Variants in EXOC2 observed in about 807,000 individuals in gnomAD.
EXOC2 encodes the protein exocyst complex component 2.
Under a neutral mutation model 131.8 loss-of-function variants are expected in EXOC2, and 70 were observed. The observed-to-expected ratio is 0.53, with a 90% CI of 0.44 to 0.65. The LOEUF is 0.65. EXOC2 is among the 30% of genes least tolerant of loss of function. The pLI, the probability that EXOC2 is intolerant of heterozygous loss-of-function variation, is 0.00. For synonymous variants in EXOC2, 411 were observed against 398.4 expected (o/e 1.03, Z -0.38); for missense variants, 923 against 1,108.6 (o/e 0.83, Z 2.38).
chr6:610,329 C>T (rs969332590), intron 6 of EXOC2, 151 bp from the exon 7 acceptor site: 2 of 590,844 alleles, frequency 3.4e-6, no homozygotes, highest in African/African-American at 1.9e-5. Flanking sequence ...ACAAGGTACC[C>T]AGCAGACACC....
rs1284715980 is a variant in EXOC2, at chr6:690,213, G to A, written c.-44+2806C>T. On this transcript the variant is annotated intron_variant, in intron 1 of 27. Transcript: ENST00000230449. ...CCACAAATAATTTTTAAAATGAGCCGAACCCGGTGGCACGCACCTATAGTC... is the reference window on the plus strand; with the variant it reads ...CCACAAATAATTTTTAAAATGAGCCAAACCCGGTGGCACGCACCTATAGTC... Among the ~76,000 whole-genome samples the A allele has an allele frequency of 3.3e-5, 5 of 152,216 alleles. No individual in the cohort carries two copies. The East Asian group carries it at 7.7e-4, about 24-fold the overall frequency.
chr6:567,079 A>C (rs567103652), intron 13 of EXOC2, among the ~76,000 whole-genome samples: 3 of 152,304 alleles, frequency 2.0e-5, no homozygotes, highest in Non-Finnish European at 4.4e-5. Flanking sequence ...GAGGACCTCC[A>C]TGGTTTCCCC....
At chr6:504,443 AC>A (rs1399336105) in intron 23 of EXOC2, among the ~76,000 whole-genome samples, 1 of 152,088 alleles carries the variant, frequency 6.6e-6, no homozygotes, top group African/African-American at 2.4e-5. Context: ...TGGTGACAGA[AC>A]CTTTTTCAAA....
rs751532044 is a variant in EXOC2 at position 486,342 on chromosome 6, A to G, written c.*329T>C. On this transcript the variant is annotated 3_prime_UTR_variant, in exon 28 of 28. Coordinates refer to ENST00000230449, the MANE Select transcript of EXOC2 (RefSeq NM_018303.6). ...ACGGGACACTGAGAAATGCTTCAAT[A>G]TGTGCCACGCCATTCCAGAAAACTC... 1.9e-4 allele frequency: 42 copies of G among 226,900 alleles called. No homozygotes were observed. The highest frequency in any genetic ancestry group is 1.6e-3 in the Middle Eastern group (1 of 620). The allele number at this position is 226,900 out of a possible 1,614,324, so 14.1% of individuals were successfully genotyped here.
intron 6 of EXOC2, among the ~76,000 whole-genome samples, chr6:611,865 G>A (rs761611449): frequency 2.0e-5 from 3 of 152,100 alleles, no homozygotes; most frequent in Non-Finnish European, 4.4e-5. Flanking sequence ...ATGTACAACA[G>A]TACTTCTCAA....
At chr6:590,113 TGGA>T (rs1346709178) in intron 11 of EXOC2, among the ~76,000 whole-genome samples, 4 of 65,808 alleles carry the variant, frequency 6.1e-5, no homozygotes, top group African/African-American at 1.4e-4. Context: ...AGACTCTGTC[TGGA>T]AAAAAAAAAA....
At chr6:616,617 A>G (rs905348264) in intron 6 of EXOC2, among the ~76,000 whole-genome samples, 1 of 151,070 alleles carries the variant, frequency 6.6e-6, no homozygotes, top group African/African-American at 2.4e-5. Flanking sequence ...AAAAAAAAAA[A>G]AAAAAACTAA....
intron 24 of EXOC2, among the ~76,000 whole-genome samples, chr6:498,288 A>G (rs1363783450): frequency 6.6e-6 from 1 of 152,174 alleles, no homozygotes; most frequent in Non-Finnish European, 1.5e-5. Flanking sequence ...GGCAATTGAT[A>G]ATAGACATTA....
chr6:546,421 A>G (rs1396511535), intron 22 of EXOC2, among the ~76,000 whole-genome samples: 1 of 152,228 alleles, frequency 6.6e-6, no homozygotes, highest in Non-Finnish European at 1.5e-5. Context: ...TTATCATTCA[A>G]TGTGGTTTCA....
intron 3 of EXOC2, among the ~76,000 whole-genome samples, chr6:632,242 C>T (rs1227005396): frequency 2.0e-5 from 3 of 152,176 alleles, no homozygotes; most frequent in Non-Finnish European, 4.4e-5. Context: ...ATGAGGTAGC[C>T]AATATATTCC....
chr6:591,757 C>T (rs1306059634), intron 11 of EXOC2, among the ~76,000 whole-genome samples: 2 of 152,150 alleles, frequency 1.3e-5, no homozygotes, highest in Non-Finnish European at 2.9e-5. Context: ...GCATAGCAGG[C>T]ATTCAATATA....
intron 17 of EXOC2, among the ~76,000 whole-genome samples, chr6:558,363 C>T (rs1461283513): frequency 6.6e-6 from 1 of 152,156 alleles, no homozygotes; most frequent in Non-Finnish European, 1.5e-5. Flanking sequence ...ACCAACTGCA[C>T]AGAAAGCATT....
chr6:605,071 T>C (rs566892360), intron 7 of EXOC2, among the ~76,000 whole-genome samples: 54 of 152,160 alleles, frequency 3.5e-4, no homozygotes, highest in Non-Finnish European at 5.3e-4. Flanking sequence ...TTTATATCCC[T>C]AGGATAAAAC....
chr6:513,245 A>G (rs1390513425), intron 23 of EXOC2, among the ~76,000 whole-genome samples: 1 of 152,254 alleles, frequency 6.6e-6, no homozygotes, highest in African/African-American at 2.4e-5. Context: ...CCGTACCAAG[A>G]GCACGGCGTG....
chr6:494,076 C>G (rs1355177625), intron 25 of EXOC2, among the ~76,000 whole-genome samples: 1 of 152,190 alleles, frequency 6.6e-6, no homozygotes, highest in Non-Finnish European at 1.5e-5. Context: ...TACTCATCTC[C>G]TGTGATGGAA....
intron 23 of EXOC2, among the ~76,000 whole-genome samples, chr6:516,675 C>A (rs1280094336): frequency 6.6e-6 from 1 of 152,238 alleles, no homozygotes; most frequent in Non-Finnish European, 1.5e-5. Flanking sequence ...GAAGAGGATG[C>A]CAAGACGGTA....
chr6:552,520 A>G (rs991069592), intron 21 of EXOC2, among the ~76,000 whole-genome samples: 4 of 152,160 alleles, frequency 2.6e-5, no homozygotes, highest in African/African-American at 9.7e-5. Flanking sequence ...TATTGCTTAT[A>G]TACTGCTGAT....
intron 22 of EXOC2, among the ~76,000 whole-genome samples, chr6:544,790 G>A (rs928834167): frequency 6.6e-6 from 1 of 152,134 alleles, no homozygotes; most frequent in South Asian, 2.1e-4. Context: ...GGACATATAA[G>A]AAAAAGGAGC....
chr6:649,490 T>C (rs1290621228), intron 1 of EXOC2, among the ~76,000 whole-genome samples: 2 of 151,934 alleles, frequency 1.3e-5, no homozygotes, highest in African/African-American at 2.4e-5. Flanking sequence ...GTACTATCCA[T>C]TACCAAAGAG....
Sources: gnomAD v4.1 joint callset for allele counts (sites outside exome capture counted in the v4.1 genomes callset) on GRCh38, gnomAD v4.1.1 for gene constraint, MANE v1.5 for transcripts, NCBI Gene and HGNC (gene_info 2026-07-23, HGNC 2026-07-21) for gene names.